Variants in VWA3B observed in about 807,000 individuals in gnomAD.
VWA3B encodes the protein von Willebrand factor A domain containing 3B, also known as von Willebrand factor A domain-containing protein 3B.
Under a neutral mutation model 158.3 loss-of-function variants are expected in VWA3B, and 138 were observed. The observed-to-expected ratio is 0.87, with a 90% CI of 0.76 to 1.00. VWA3B has a LOEUF of 1.00. VWA3B is among the 50% of genes least tolerant of loss of function. The pLI is 0.00. For synonymous variants in VWA3B, 596 were observed against 587.3 expected, an observed-to-expected ratio of 1.01 and a Z score of -0.21; for missense variants, 1,555 against 1,565.1, an observed-to-expected ratio of 0.99 and a Z score of 0.11.
intron 23 of VWA3B, among the ~76,000 whole-genome samples, chr2:98,293,407 G>T (rs1482829297): frequency 6.6e-6 from 1 of 152,090 alleles, no homozygotes; most frequent in Non-Finnish European, 1.5e-5. Flanking sequence ...GCAGTGCATG[G>T]GTTATCTCCA....
chr2:98,323,044 T>A, the VWA3B span, among the ~76,000 whole-genome samples: 1 of 152,162 alleles, frequency 6.6e-6, no homozygotes, highest in East Asian at 1.9e-4. Flanking sequence ...CTAGAATATA[T>A]TGCCTGCAGT....
intron 14 of VWA3B, 62 bp from the exon 15 acceptor site, chr2:98,228,139 CA>C (rs1424146694): frequency 6.7e-7 from 1 of 1,503,754 alleles, no homozygotes; most frequent in African/African-American, 1.4e-5. Context: ...AGAAAAGAAA[CA>C]TGTTTGGAAT....
At position 98,125,248 on chromosome 2, in the gene VWA3B, G is replaced by A. The variant is rs756601109; in HGVS notation, c.703-2991G>A. Among the ~76,000 whole-genome samples, 1 of 152,218 alleles carries A rather than the reference G, an allele frequency of 6.6e-6. No individual in the cohort carries two copies. The highest frequency in any genetic ancestry group is 1.5e-5 in the Non-Finnish European group (1 of 68,042). ...TCTGGGGTAGGAGCCTGAACCCTTG[G>A]ATGGTGGGGTAACCACAGAAGTGAA... On this transcript the variant is annotated intron_variant, in intron 5 of 27. Transcript: ENST00000477737. The surrounding 1 kb of genome is among the most constrained non-coding windows in gnomAD (Gnocchi z 4.1).
chr2:98,110,558 T>C (rs901179516), intron 2 of VWA3B, among the ~76,000 whole-genome samples: 1 of 152,212 alleles, frequency 6.6e-6, no homozygotes, highest in African/African-American at 2.4e-5. Flanking sequence ...TGATGAATGA[T>C]TTTTTATTGA....
At chr2:98,242,621 C>T (rs1289745911) in intron 19 of VWA3B, among the ~76,000 whole-genome samples, 1 of 150,788 alleles carries the variant, frequency 6.6e-6, no homozygotes, top group African/African-American at 2.5e-5. Context: ...GGGTTCTGCA[C>T]ATAGCTTTGT....
intron 19 of VWA3B, among the ~76,000 whole-genome samples, chr2:98,237,687 G>A (rs1340925538): frequency 6.6e-6 from 1 of 152,156 alleles, no homozygotes; most frequent in Non-Finnish European, 1.5e-5. Context: ...CATGAAGACG[G>A]AACCTCAGTG....
Position 98,155,598 on chromosome 2 carries a change from G to A in VWA3B, c.989-7253G>A, listed in dbSNP as rs79606404. On this transcript the variant is annotated intron_variant, in intron 7 of 27. Transcript: ENST00000477737. ...GGTAACGTGTTTAAGTTCCCAGCAC[G>A]GTGGCACATAGTAGATACCTGGTAA... Among the ~76,000 whole-genome samples, 1,132 of 152,204 alleles carry A rather than the reference G, an allele frequency of 7.4e-3. 15 individuals are homozygous for A. The highest frequency in any genetic ancestry group is 0.013 in the Non-Finnish European group (876 of 67,996).
intron 12 of VWA3B, among the ~76,000 whole-genome samples, chr2:98,200,819 A>G (rs746982100): frequency 6.6e-6 from 1 of 152,180 alleles, no homozygotes; most frequent in Admixed American, 6.6e-5. Context: ...TGTGTTTAAG[A>G]ATAGGGTTCA....
rs1685557258 is a variant in VWA3B, at chr2:98,234,646, A to G, written c.2309-2A>G. The stretch of plus-strand genomic sequence containing the variant: ...TAACTCTTCCCTCTGTGATACCAAC[A>G]GAATCAACCAAAACCAGCCTGCTCA... On this transcript the variant is annotated splice_acceptor_variant, in intron 16 of 27. Coordinates refer to ENST00000477737, the MANE Select transcript of VWA3B (RefSeq NM_144992.5). LOFTEE classifies it high-confidence loss of function. The G allele has an allele frequency of 1.9e-6, 3 of 1,614,082 alleles. No homozygotes were observed. The South Asian group carries it at 3.3e-5, about 18-fold the overall frequency.
At chr2:98,107,239 T>A (rs1464806110) in intron 2 of VWA3B, among the ~76,000 whole-genome samples, 1 of 152,174 alleles carries the variant, frequency 6.6e-6, no homozygotes, top group Non-Finnish European at 1.5e-5. Flanking sequence ...AATTTGCTAA[T>A]GTTGTGTTAC....
At chr2:98,136,286 G>A (rs1368516108) in intron 7 of VWA3B, among the ~76,000 whole-genome samples, 1 of 152,274 alleles carries the variant, frequency 6.6e-6, no homozygotes, top group Admixed American at 6.5e-5. Context: ...CAGTTCACTA[G>A]TGTTAAGTAC....
chr2:98,163,094 C>A lies in VWA3B; in HGVS notation c.1114+118C>A, dbSNP rs1027867287. 2.0e-6 allele frequency: 3 copies of A among 1,485,414 alleles called. No homozygotes were observed. In the African/African-American group the frequency reaches 4.2e-5, roughly 21 times the overall value. 92.0% of individuals were successfully genotyped at this position (1,485,414 alleles called of 1,614,324 possible). A position where few individuals can be genotyped will look rare whatever the true frequency, so the allele number is the denominator to read the frequency against. ...TCCAGAGCCCAGCTGCGAGGGGCTGCTGAGGAGAGCAGCCAGAGCTGTGTG... is the reference window on the plus strand; with the variant it reads ...TCCAGAGCCCAGCTGCGAGGGGCTGATGAGGAGAGCAGCCAGAGCTGTGTG... On this transcript the variant is annotated intron_variant, in intron 8 of 27. Coordinates refer to ENST00000477737, the MANE Select transcript of VWA3B (RefSeq NM_144992.5).
downstream of VWA3B, among the ~76,000 whole-genome samples, chr2:98,315,881 C>T (rs1488294604): frequency 3.3e-5 from 5 of 152,156 alleles, no homozygotes; most frequent in South Asian, 2.1e-4. Flanking sequence ...ACACAGAAAT[C>T]GATATACACA....
intron 7 of VWA3B, among the ~76,000 whole-genome samples, chr2:98,143,903 A>G (rs1287820895): frequency 1.3e-5 from 2 of 151,772 alleles, no homozygotes; most frequent in Non-Finnish European, 2.9e-5. Context: ...GGTGTGCACC[A>G]CTATGCCTGG....
intron 20 of VWA3B, among the ~76,000 whole-genome samples, chr2:98,251,489 C>T (rs1686797942): frequency 6.6e-6 from 1 of 152,144 alleles, no homozygotes; most frequent in Non-Finnish European, 1.5e-5. Context: ...CTGTAATCAC[C>T]TCCCTCCCCG....
At chr2:98,182,190 C>T (rs190534642) in intron 9 of VWA3B, among the ~76,000 whole-genome samples, 273 of 152,312 alleles carry the variant, frequency 1.8e-3, no homozygotes, top group African/African-American at 6.4e-3. Context: ...AGGCCCCCCC[C>T]TCAAATGCAG....
rs138245843 is a variant in VWA3B, at chr2:98,308,261, C to T, written c.3522-3558C>T. Among the ~76,000 whole-genome samples the T allele has an allele frequency of 3.7e-4, 57 of 152,222 alleles. 1 individual carries two copies. The highest frequency in any genetic ancestry group is 1.3e-3 in the African/African-American group (54 of 41,516). On this transcript the variant is annotated intron_variant, in intron 26 of 27. Transcript: ENST00000477737. Reference sequence around the variant, plus strand: ...ATTTTCTCTTTCCTTTGCAGCATGACGACGGCATTCTCTGACACACGGCTG... The same window carrying T: ...ATTTTCTCTTTCCTTTGCAGCATGATGACGGCATTCTCTGACACACGGCTG...
intron 12 of VWA3B, among the ~76,000 whole-genome samples, chr2:98,208,452 C>T (rs1304383560): frequency 6.6e-6 from 1 of 151,766 alleles, no homozygotes; most frequent in African/African-American, 2.4e-5. Context: ...TTTGTCTTGC[C>T]TTCCTATGGG....
intron 14 of VWA3B, among the ~76,000 whole-genome samples, chr2:98,220,708 A>G (rs1416614056): frequency 1.3e-5 from 2 of 152,220 alleles, no homozygotes; most frequent in African/African-American, 4.8e-5. Context: ...TAGCAAAGAC[A>G]TGGAACCAAC....
Sources: gnomAD v4.1 joint callset for allele counts (sites outside exome capture counted in the v4.1 genomes callset) on GRCh38, gnomAD v4.1.1 for gene constraint, Gnocchi (gnomAD v3.1) non-coding constraint, MANE v1.5 for transcripts, NCBI Gene and HGNC (gene_info 2026-07-23, HGNC 2026-07-21) for gene names.